The following ST3GAL1 variants were observed in gnomAD, a reference collection of about 807,000 sequenced individuals.
ST3GAL1 encodes CMP-N-acetylneuraminate-beta-galactosamide-alpha-2,3-sialyltransferase 1.
A neutral mutation model predicts 34.1 loss-of-function variants in ST3GAL1; 16 were observed. That is an observed-to-expected ratio of 0.47 (90% confidence interval 0.32 to 0.71). The LOEUF (loss-of-function observed/expected upper bound fraction) is 0.71. Among genes scored for constraint, ST3GAL1 ranks in the 30% least tolerant of loss-of-function variants. ST3GAL1 has a pLI of 0.04. For missense variants in ST3GAL1, 353 were observed against 447.4 expected (o/e 0.79, Z 1.90); for synonymous variants, 191 against 184.7 (o/e 1.03, Z -0.28).
At chr8:133,497,454 GAATTT>G (rs1563714670) in intron 3 of ST3GAL1, among the ~76,000 whole-genome samples, 2 of 31,700 alleles carry the variant, frequency 6.3e-5, no homozygotes, top group African/African-American at 2.6e-4. Context: ...AATTTTGTTG[GAATTT>G]TTTTTTTTTT....
intron 3 of ST3GAL1, among the ~76,000 whole-genome samples, chr8:133,495,357 C>T (rs1239459361): frequency 6.6e-6 from 1 of 152,206 alleles, no homozygotes; most frequent in African/African-American, 2.4e-5. Context: ...AGTGACCCTA[C>T]ACTCTCTTTC....
intron 1 of ST3GAL1, among the ~76,000 whole-genome samples, chr8:133,568,148 T>C (rs1035543377): frequency 6.6e-6 from 1 of 152,144 alleles, no homozygotes; most frequent in African/African-American, 2.4e-5. Context: ...CTCAAACTCC[T>C]GACCTCAAAT....
chr8:133,518,362 T>C (rs1025319377), intron 2 of ST3GAL1, among the ~76,000 whole-genome samples: 1 of 152,234 alleles, frequency 6.6e-6, no homozygotes, highest in African/African-American at 2.4e-5. Context: ...CTGCTGCAGC[T>C]GCAGCCTCCT....
In ST3GAL1 at chr8:133,556,262, G is replaced by A. The variant is rs540292219; in HGVS notation, c.-581-10336C>T. ...AGTTGGTGTCACCCCCAGAGCACAA[G>A]GGGTAACACTAAGCTCGGACGTGGA... is the stretch of plus-strand genomic sequence containing the variant. On this transcript the variant is annotated intron_variant, in intron 1 of 9. Transcript: ENST00000522652. This position sits in a 1 kb window ranked among gnomAD's most constrained non-coding sequence, Gnocchi z 8.9. Among the ~76,000 whole-genome samples the A allele has an allele frequency of 7.9e-5, 12 of 152,270 alleles. No homozygotes were observed. In the South Asian group the frequency reaches 2.5e-3, roughly 32 times the overall value.
At chr8:133,563,818 C>A (rs888593758) in intron 1 of ST3GAL1, among the ~76,000 whole-genome samples, 1 of 152,186 alleles carries the variant, frequency 6.6e-6, no homozygotes, top group Non-Finnish European at 1.5e-5. Context: ...ACAGCTGCTG[C>A]ACATGTGCAC....
intron 2 of ST3GAL1, among the ~76,000 whole-genome samples, chr8:133,505,753 C>T (rs1204809473): frequency 6.6e-6 from 1 of 151,958 alleles, no homozygotes; most frequent in Non-Finnish European, 1.5e-5. Flanking sequence ...CAGGTGTGTG[C>T]CACCATGCCT....
intron 5 of ST3GAL1, among the ~76,000 whole-genome samples, chr8:133,468,165 C>A (rs137964235): frequency 6.6e-6 from 1 of 151,998 alleles, no homozygotes; most frequent in Non-Finnish European, 1.5e-5. Flanking sequence ...ATTGGTATAC[C>A]CATGTTCAAA....
intron 3 of ST3GAL1, among the ~76,000 whole-genome samples, chr8:133,486,466 G>GA (rs1406789004): frequency 7.9e-5 from 12 of 152,178 alleles, no homozygotes; most frequent in Non-Finnish European, 1.3e-4. Context: ...AGCCAGGCCT[G>GA]GACCCACTCA....
intron 2 of ST3GAL1, among the ~76,000 whole-genome samples, chr8:133,505,853 G>A (rs62520284): frequency 0.061 from 9,209 of 151,882 alleles, 387 homozygotes; most frequent in African/African-American, 0.11. Context: ...CACCCACCTC[G>A]GCCTCCCAAA....
rs142156717 is a variant in ST3GAL1, at chr8:133,509,743, G to A, written c.-428-10554C>T. Among the ~76,000 whole-genome samples the A allele has an allele frequency of 3.9e-5, 6 of 152,328 alleles. No individual in the cohort carries two copies. In the East Asian group the frequency reaches 1.2e-3, roughly 29 times the overall value. Reference sequence around the variant, plus strand: ...GCTGATCATGTCCCTCTGGAGGGCAGTGAATGTAACCCAGCAAAAATTAGT... The same window carrying A: ...GCTGATCATGTCCCTCTGGAGGGCAATGAATGTAACCCAGCAAAAATTAGT... On this transcript the variant is annotated intron_variant, in intron 2 of 9. Coordinates refer to ENST00000522652, the MANE Select transcript of ST3GAL1 (RefSeq NM_173344.3).
At chr8:133,544,484 G>C (rs545667428) in intron 2 of ST3GAL1, among the ~76,000 whole-genome samples, 3 of 152,162 alleles carry the variant, frequency 2.0e-5, no homozygotes, top group Non-Finnish European at 2.9e-5. Flanking sequence ...ATGGTCTTTT[G>C]TCTCCATTCT....
intron 2 of ST3GAL1, among the ~76,000 whole-genome samples, chr8:133,532,488 T>C (rs918920687): frequency 6.6e-6 from 1 of 152,092 alleles, no homozygotes; most frequent in Admixed American, 6.6e-5. Context: ...TGTTACCATA[T>C]GATAGATTCT....
rs192933706 is a variant in ST3GAL1 at position 133,467,529 on chromosome 8, C to A, written c.307-1439G>T. Among the ~76,000 whole-genome samples the A allele has an allele frequency of 3.9e-4, 59 of 152,330 alleles. No individual in the cohort carries two copies. Among genetic ancestry groups the A allele is most frequent in the Non-Finnish European group, 6.5e-4 (44 of 68,044 alleles). The stretch of plus-strand genomic sequence containing the variant: ...ATACAAACCAGGATTTGAACCCAGG[C>A]TTCTAGAAACCCACCAGCAGGTTTC... On this transcript the variant is annotated intron_variant, in intron 5 of 9. Coordinates refer to ENST00000522652, the MANE Select transcript of ST3GAL1 (RefSeq NM_173344.3). The surrounding 1 kb of genome is among the most constrained non-coding windows in gnomAD (Gnocchi z 4.2).
chr8:133,513,435 G>A (rs551553651), intron 2 of ST3GAL1, among the ~76,000 whole-genome samples: 5 of 152,146 alleles, frequency 3.3e-5, no homozygotes, highest in Non-Finnish European at 5.9e-5. Context: ...TTTGGAGTAC[G>A]GAAGGCCTCC....
intron 1 of ST3GAL1, among the ~76,000 whole-genome samples, chr8:133,557,357 C>T (rs543553181): frequency 6.6e-6 from 1 of 152,330 alleles, no homozygotes; most frequent in Non-Finnish European, 1.5e-5. Context: ...CCAGGCTGCT[C>T]TTCCTGCCTG....
At chr8:133,551,615 A>C (rs534151208) in intron 1 of ST3GAL1, among the ~76,000 whole-genome samples, 20 of 146,062 alleles carry the variant, frequency 1.4e-4, no homozygotes, top group African/African-American at 5.1e-4. Context: ...AGAAAGAAAG[A>C]AAGAGCGAGC....
intron 2 of ST3GAL1, among the ~76,000 whole-genome samples, chr8:133,529,581 G>A (rs140245248): frequency 1.6e-4 from 24 of 152,276 alleles, no homozygotes; most frequent in Non-Finnish European, 2.8e-4. Flanking sequence ...GGGCTCTAGG[G>A]TAGATGGCCA....
At chr8:133,482,512 A>G (rs904141438) in intron 3 of ST3GAL1, among the ~76,000 whole-genome samples, 1 of 152,228 alleles carries the variant, frequency 6.6e-6, no homozygotes, top group Non-Finnish European at 1.5e-5. Flanking sequence ...AGCTGCAGCC[A>G]TGGCAGCCAC....
chr8:133,529,116 G>A (rs942932945), intron 2 of ST3GAL1, among the ~76,000 whole-genome samples: 3 of 152,202 alleles, frequency 2.0e-5, no homozygotes, highest in Admixed American at 6.5e-5. Context: ...AGCTGGGCAG[G>A]GCCAGGCATA....
Sources: allele counts gnomAD v4.1 joint callset (sites outside exome capture counted in the v4.1 genomes callset), GRCh38; gene constraint gnomAD v4.1.1; non-coding constraint Gnocchi (gnomAD v3.1); transcripts MANE v1.5; gene names NCBI Gene and HGNC (gene_info 2026-07-23, HGNC 2026-07-21).